GRAMD2B: variants seen among roughly 807,000 people sequenced by gnomAD.
GRAMD2B encodes GRAM domain-containing protein 2B.
Under a neutral mutation model 59.2 loss-of-function variants are expected in GRAMD2B, and 41 were observed. The observed-to-expected ratio is 0.69, with a 90% CI of 0.54 to 0.90. The LOEUF (loss-of-function observed/expected upper bound fraction) is 0.90. Ranked by LOEUF, GRAMD2B falls within the 40% of genes least tolerant of loss-of-function variation. The probability of loss-of-function intolerance (pLI) is 0.00; values close to 1 mark genes in which losing one functional copy is unlikely to be tolerated. For missense variants in GRAMD2B, 424 were observed against 500.5 expected, an observed-to-expected ratio of 0.85 and a Z score of 1.46; for synonymous variants, 161 against 182.7, an observed-to-expected ratio of 0.88 and a Z score of 0.96.
intron 13 of GRAMD2B, among the ~76,000 whole-genome samples, chr5:126,492,010 G>C (rs1264056947): frequency 6.6e-6 from 1 of 152,210 alleles, no homozygotes; most frequent in African/African-American, 2.4e-5. Context: ...TGGGATTACA[G>C]GCACAAGCCA....
At chr5:126,423,313 T>C (rs1319766499), upstream of GRAMD2B, 3 of 1,257,616 alleles carry the variant, frequency 2.4e-6, no homozygotes, top group East Asian at 1.2e-4. Flanking sequence ...GGTTTCCTTT[T>C]TCTCTTCTCT....
intron 1 of GRAMD2B, among the ~76,000 whole-genome samples, chr5:126,457,489 G>C (rs538532468): frequency 6.6e-6 from 1 of 152,126 alleles, no homozygotes; most frequent in African/African-American, 2.4e-5. Flanking sequence ...AAATTAACCA[G>C]GCATGGTGAC....
At chr5:126,368,436 A>G (rs1010725467), upstream of GRAMD2B, among the ~76,000 whole-genome samples, 1 of 152,236 alleles carries the variant, frequency 6.6e-6, no homozygotes, top group African/African-American at 2.4e-5. Flanking sequence ...CCTTATTCCT[A>G]TTTAAACATA....
At chr5:126,471,469 A>T (rs1003592398) in intron 3 of GRAMD2B, among the ~76,000 whole-genome samples, 9 of 152,220 alleles carry the variant, frequency 5.9e-5, no homozygotes, top group African/African-American at 1.9e-4. Flanking sequence ...CAGTTGTGAA[A>T]ACAGATCCCT....
At chr5:126,432,227 C>T (rs1302147930) in intron 1 of GRAMD2B, among the ~76,000 whole-genome samples, 1 of 152,206 alleles carries the variant, frequency 6.6e-6, no homozygotes, top group Non-Finnish European at 1.5e-5. Flanking sequence ...CCATAACCAG[C>T]CCTAGTGGAG....
At chr5:126,472,356 A>T (rs757152939) in intron 4 of GRAMD2B, 52 bp downstream of exon 4, 2 of 1,475,522 alleles carry the variant, frequency 1.4e-6, no homozygotes, top group African/African-American at 2.8e-5. Context: ...AAAGTTGATC[A>T]TTAGTTTTGG....
At position 126,469,746 on chromosome 5, in the gene GRAMD2B, T is replaced by C. The variant is rs1412765254; in HGVS notation, c.273T>C (p.Asn91=). ...DKNDCKTESK[N]DPKTERKKSS... is the part of the protein sequence containing the mutation. ...ACGACTGTAAAACAGAAAGCAAAAA[T>C]GACCCTAAGACTGAAAGAAAAAAGT... The change falls in exon 3 of 14, where the codon AAT becomes AAC. Residue 91 remains asparagine (N), a synonymous_variant. Transcript: ENST00000285689. 2.5e-6 allele frequency: 4 copies of C among 1,613,738 alleles called. No homozygotes were observed. The highest frequency in any genetic ancestry group is 3.4e-6 in the Non-Finnish European group (4 of 1,179,852).
At chr5:126,402,946 T>A (rs546563422) in intron 1 of GRAMD2B, among the ~76,000 whole-genome samples, 1 of 152,088 alleles carries the variant, frequency 6.6e-6, no homozygotes, top group Non-Finnish European at 1.5e-5. Context: ...GAGATAATTA[T>A]GTAGAATGTG....
At chr5:126,421,709 A>G (rs1408722396), upstream of GRAMD2B, among the ~76,000 whole-genome samples, 1 of 152,236 alleles carries the variant, frequency 6.6e-6, no homozygotes, top group African/African-American at 2.4e-5. Flanking sequence ...CAGCCTAATG[A>G]TATATATGTA....
At chr5:126,398,740 A>G (rs774935940) in intron 1 of GRAMD2B, among the ~76,000 whole-genome samples, 1 of 152,128 alleles carries the variant, frequency 6.6e-6, no homozygotes, top group Admixed American at 6.5e-5. Flanking sequence ...ATTCATCACT[A>G]TAAACTTTCC....
intron 8 of GRAMD2B, chr5:126,481,004 T>G (rs974450650): frequency 4.7e-6 from 2 of 423,892 alleles, no homozygotes; most frequent in Non-Finnish European, 8.5e-6. Flanking sequence ...CTTGTCAATA[T>G]TGGCTTAGAG....
chr5:126,485,835 C>T, intron 11 of GRAMD2B, 62 bp downstream of exon 11: 2 of 972,108 alleles, frequency 2.1e-6, no homozygotes, highest in Non-Finnish European at 3.2e-6. Context: ...AAGGAATAAT[C>T]TCTTCACACT....
At chr5:126,422,406 CCA>C (rs1759825931), upstream of GRAMD2B, among the ~76,000 whole-genome samples, 1 of 152,146 alleles carries the variant, frequency 6.6e-6, no homozygotes, top group Non-Finnish European at 1.5e-5. Context: ...ACTAGGTTGG[CCA>C]TGCTAGTCTC....
At chr5:126,434,566 G>A (rs1260063785) in intron 1 of GRAMD2B, among the ~76,000 whole-genome samples, 1 of 151,438 alleles carries the variant, frequency 6.6e-6, no homozygotes, top group Non-Finnish European at 1.5e-5. Flanking sequence ...CACCCAGGCT[G>A]GAGTGCAGTG....
chr5:126,421,368 A>G (rs1759710954), upstream of GRAMD2B, among the ~76,000 whole-genome samples: 1 of 152,206 alleles, frequency 6.6e-6, no homozygotes, highest in Non-Finnish European at 1.5e-5. Context: ...AGTTTGGGAA[A>G]TTGACAACCT....
intron 1 of GRAMD2B, among the ~76,000 whole-genome samples, chr5:126,405,551 CT>C (rs1307143195): frequency 6.6e-6 from 1 of 151,976 alleles, no homozygotes; most frequent in Non-Finnish European, 1.5e-5. Context: ...CACTCCCTTT[CT>C]TTTGCTTTAA....
intron 1 of GRAMD2B, among the ~76,000 whole-genome samples, chr5:126,364,890 C>T (rs374075707): frequency 1.2e-4 from 19 of 152,316 alleles, no homozygotes; most frequent in African/African-American, 4.3e-4. Flanking sequence ...GTTTCCACTA[C>T]TCTGGCCCCT....
chr5:126,462,520 A>C, intron 1 of GRAMD2B: 1 of 772,416 alleles, frequency 1.3e-6, no homozygotes, highest in South Asian at 5.9e-5. Flanking sequence ...TTAAGCAAAA[A>C]CCTAAGATCA....
chr5:126,447,582 T>A (rs944898273), intron 1 of GRAMD2B, among the ~76,000 whole-genome samples: 1 of 150,066 alleles, frequency 6.7e-6, no homozygotes, highest in Non-Finnish European at 1.5e-5. Flanking sequence ...GAGAATGGCG[T>A]GAACCCGGGA....
Sources: gnomAD v4.1 joint callset for allele counts (sites outside exome capture counted in the v4.1 genomes callset) on GRCh38, gnomAD v4.1.1 for gene constraint, MANE v1.5 for transcripts, NCBI Gene and HGNC (gene_info 2026-07-23, HGNC 2026-07-21) for gene names.